The following NXN variants were observed in gnomAD, a reference collection of about 807,000 sequenced individuals.
NXN encodes the protein nucleoredoxin 1.
NXN carries 16 observed loss-of-function variants against 48.6 expected under a neutral mutation model. That is an observed-to-expected ratio of 0.33 (90% CI 0.22 to 0.50). The LOEUF (loss-of-function observed/expected upper bound fraction) is 0.50, where lower values mean the gene tolerates loss of function less well. Among genes scored for constraint, NXN ranks in the 20% least tolerant of loss-of-function variants. The pLI is 0.98. For missense variants in NXN, 492 were observed against 605.5 expected (o/e 0.81, Z 1.97); for synonymous variants, 281 against 269.6 (o/e 1.04, Z -0.41).
In NXN at chr17:954,773, GATGGA is replaced by G. The variant is rs112923564; in HGVS notation, c.360+24541_360+24545del. Among the ~76,000 whole-genome samples the G allele has an allele frequency of 9.4e-3, 1,430 of 152,380 alleles. 20 individuals are homozygous for G. The highest frequency in any genetic ancestry group is 0.033 in the African/African-American group (1,378 of 41,594). Reference sequence around the variant, plus strand: ...AGTACTGTGGCTGCCAAGCCATCTGGATGGAATGGAATGGCTCTCTACCAGTTAGG... The same window carrying G: ...AGTACTGTGGCTGCCAAGCCATCTGGATGGAATGGCTCTCTACCAGTTAGG... On this transcript the variant is annotated intron_variant, in intron 1 of 7. Transcript: ENST00000336868.
intron 1 of NXN, among the ~76,000 whole-genome samples, chr17:896,632 A>T (rs1360536587): frequency 1.3e-5 from 2 of 152,212 alleles, no homozygotes; most frequent in Non-Finnish European, 2.9e-5. Flanking sequence ...TTTAAAGTAA[A>T]ATATAAACAT....
intron 1 of NXN, among the ~76,000 whole-genome samples, chr17:896,339 T>C (rs1172131864): frequency 3.6e-5 from 3 of 83,542 alleles, no homozygotes; most frequent in South Asian, 3.1e-4. Flanking sequence ...AAACTCCATC[T>C]CAAAAAAAAA....
chr17:923,302 T>A (rs2068766515), intron 1 of NXN, among the ~76,000 whole-genome samples: 1 of 151,996 alleles, frequency 6.6e-6, no homozygotes, highest in African/African-American at 2.4e-5. Context: ...CACAGAAAAA[T>A]AACCACGTTG....
chr17:864,114 C>G, intron 1 of NXN: 1 of 1,466,250 alleles, frequency 6.8e-7, no homozygotes, highest in Non-Finnish European at 9.0e-7. Context: ...GCACGTTTAC[C>G]GTTGCTCACT....
At chr17:937,418 C>T (rs1277295399) in intron 1 of NXN, among the ~76,000 whole-genome samples, 2 of 152,076 alleles carry the variant, frequency 1.3e-5, no homozygotes, top group African/African-American at 4.8e-5. Flanking sequence ...AAGGAACACA[C>T]CTGGAGAAGG....
intron 1 of NXN, among the ~76,000 whole-genome samples, chr17:950,041 T>A (rs577652272): frequency 2.0e-5 from 3 of 152,142 alleles, no homozygotes; most frequent in East Asian, 3.9e-4. Context: ...ATCACTTTTT[T>A]AAAAAGGAAA....
chr17:926,585 G>A (rs1367698388), intron 1 of NXN, among the ~76,000 whole-genome samples: 8 of 145,732 alleles, frequency 5.5e-5, no homozygotes, highest in African/African-American at 1.0e-4. Context: ...TGGCTCTATC[G>A]CCCAGGCTGG....
intron 1 of NXN, among the ~76,000 whole-genome samples, chr17:888,112 G>A (rs144784214): frequency 3.9e-5 from 6 of 152,278 alleles, no homozygotes; most frequent in East Asian, 1.9e-4. Context: ...GGTACCGTAC[G>A]GGGTACAGAG....
chr17:809,786 GCA>G (rs887906037), intron 5 of NXN, among the ~76,000 whole-genome samples: 5 of 96,570 alleles, frequency 5.2e-5, no homozygotes, highest in African/African-American at 1.7e-4. Context: ...ACTGCCGAGC[GCA>G]CAGTGCCGTG....
At chr17:934,929 A>G (rs1159412656) in intron 1 of NXN, among the ~76,000 whole-genome samples, 2 of 152,252 alleles carry the variant, frequency 1.3e-5, no homozygotes, top group African/African-American at 4.8e-5. Flanking sequence ...CTGTCTGGAC[A>G]GAGTCCTCAC....
chr17:908,260 G>A lies in NXN; in HGVS notation c.360+71059C>T, dbSNP rs547264306. Among the ~76,000 whole-genome samples, 7 of 152,092 alleles carry A rather than the reference G, an allele frequency of 4.6e-5. No individual in the cohort carries two copies. In the South Asian group the frequency reaches 1.0e-3, roughly 23 times the overall value. On this transcript the variant is annotated intron_variant, in intron 1 of 7. Coordinates refer to ENST00000336868, the MANE Select transcript of NXN (RefSeq NM_022463.5). ...TACTTCAAAAACCCATGTTCTAGCC[G>A]GGCACGGTCGTTCACGCCTGTATTC...
Position 825,236 on chromosome 17 carries a change from AAAAG to A in NXN, c.478+721_478+724del, listed in dbSNP as rs1420569485. On this transcript the variant is annotated intron_variant, in intron 2 of 7. Transcript: ENST00000336868. The surrounding 1 kb of genome is among the most constrained non-coding windows in gnomAD (Gnocchi z 4.1). ...TGTCTCAAGAGAAAAAAAAAAAAAA[AAAAG>A]AAAAGCTTCACGCTTGGTTCCACCA... Among the ~76,000 whole-genome samples the A allele has an allele frequency of 4.6e-5, 7 of 151,150 alleles. No homozygotes were observed. The highest frequency in any genetic ancestry group is 1.0e-4 in the Non-Finnish European group (7 of 67,762).
chr17:838,611 T>C (rs1913961100), intron 1 of NXN, among the ~76,000 whole-genome samples: 1 of 152,178 alleles, frequency 6.6e-6, no homozygotes, highest in Non-Finnish European at 1.5e-5. Context: ...GTGAAAATGG[T>C]AAACTTTACG....
chr17:959,200 A>G, intron 1 of NXN: 1 of 1,027,440 alleles, frequency 9.7e-7, no homozygotes. Flanking sequence ...CAGTTCAGCC[A>G]GTACGTGTGT....
chr17:901,121 A>G (rs1251275933), intron 1 of NXN, among the ~76,000 whole-genome samples: 1 of 151,960 alleles, frequency 6.6e-6, no homozygotes, highest in Non-Finnish European at 1.5e-5. Context: ...GGGTTTCACC[A>G]TGTTGGCCAG....
chr17:949,695 CCCTGCCTCCTCCTCTCCCT>C (rs1444725648), intron 1 of NXN, among the ~76,000 whole-genome samples: 5 of 131,028 alleles, frequency 3.8e-5, no homozygotes, highest in African/African-American at 1.1e-4. Flanking sequence ...CTCCTCTCCC[CCCTGCCTCCTCCTCTCCCT>C]GCTGCCTCCT....
intron 1 of NXN, among the ~76,000 whole-genome samples, chr17:858,105 G>C (rs774079481): frequency 1.3e-5 from 2 of 151,790 alleles, no homozygotes; most frequent in African/African-American, 2.4e-5. Flanking sequence ...CGAGTAATGG[G>C]GTCACAGGTA....
intron 1 of NXN, among the ~76,000 whole-genome samples, chr17:910,463 T>C (rs1040113499): frequency 1.3e-5 from 2 of 152,056 alleles, no homozygotes; most frequent in African/African-American, 2.4e-5. Context: ...AGACAAAGTG[T>C]TTTCCAAATG....
chr17:889,699 A>G (rs889395235), intron 1 of NXN, among the ~76,000 whole-genome samples: 34 of 126,664 alleles, frequency 2.7e-4, no homozygotes, highest in Middle Eastern at 3.8e-3. Context: ...GAAAGAAAGA[A>G]AAAGAAAGAA....
Sources: allele counts gnomAD v4.1 joint callset (sites outside exome capture counted in the v4.1 genomes callset), GRCh38; gene constraint gnomAD v4.1.1; non-coding constraint Gnocchi (gnomAD v3.1); transcripts MANE v1.5; gene names NCBI Gene and HGNC (gene_info 2026-07-23, HGNC 2026-07-21).